PRSS23: variants seen among roughly 807,000 people sequenced by gnomAD.
PRSS23 encodes protease, serine 23.
Under a neutral mutation model 34.7 loss-of-function variants are expected in PRSS23, and 25 were observed. The observed-to-expected ratio is 0.72, with a 90% CI of 0.53 to 1.01. The LOEUF is 1.01. Among genes scored for constraint, PRSS23 ranks in the 50% least tolerant of loss-of-function variants. The pLI is 0.00. For synonymous variants in PRSS23, 176 were observed against 186.6 expected (o/e 0.94, Z 0.46); for missense variants, 445 against 475.6 (o/e 0.94, Z 0.60).
intron 2 of PRSS23, among the ~76,000 whole-genome samples, chr11:86,831,522 C>T (rs749083808): frequency 4.6e-5 from 7 of 151,890 alleles, no homozygotes; most frequent in East Asian, 1.9e-4. Context: ...TGATATTATT[C>T]GTAATAGCCT....
chr11:86,932,892 T>A (rs1453052160), intron 2 of PRSS23: 1 of 152,248 alleles, frequency 6.6e-6, no homozygotes, highest in East Asian at 1.9e-4. Context: ...GTCACTGTTG[T>A]GGCTTCTCTC....
chr11:86,818,945 T>C (rs1368515062), intron 1 of PRSS23, among the ~76,000 whole-genome samples: 1 of 152,236 alleles, frequency 6.6e-6, no homozygotes, highest in Non-Finnish European at 1.5e-5. Flanking sequence ...ACTCCTTACT[T>C]TCTTCCCTCT....
rs540339333 is a variant in PRSS23 at position 86,884,051 on chromosome 11, C to T, written c.206+60458C>T. Among the ~76,000 whole-genome samples, 5 of 152,220 alleles carry T rather than the reference C, an allele frequency of 3.3e-5. No homozygotes were observed. In the South Asian group the frequency reaches 6.2e-4, roughly 19 times the overall value. ...CAGAAACCCTGGAGATATCCCATAT[C>T]ATTAATATTTAATTCTCTCTTATGG... On this transcript the variant is annotated intron_variant, in intron 2 of 2. Transcript: ENST00000533902.
intron 1 of PRSS23, among the ~76,000 whole-genome samples, chr11:86,804,201 A>G (rs1291188403): frequency 6.6e-6 from 1 of 152,178 alleles, no homozygotes; most frequent in East Asian, 1.9e-4. Context: ...TAGCTTTAAT[A>G]CAGACATCAG....
intron 2 of PRSS23, among the ~76,000 whole-genome samples, chr11:86,928,024 G>GTT (rs1949092964): frequency 6.6e-6 from 1 of 151,334 alleles, no homozygotes; most frequent in Non-Finnish European, 1.5e-5. Context: ...CAGATATTAA[G>GTT]CTCTTTGATC....
At chr11:86,903,186 T>C (rs551628900) in intron 2 of PRSS23, among the ~76,000 whole-genome samples, 1 of 152,322 alleles carries the variant, frequency 6.6e-6, no homozygotes, top group African/African-American at 2.4e-5. Flanking sequence ...TATCTGTATG[T>C]TCTTACCTAC....
intron 2 of PRSS23, among the ~76,000 whole-genome samples, chr11:86,861,819 T>C (rs1948617790): frequency 1.3e-5 from 2 of 151,928 alleles, no homozygotes; most frequent in Non-Finnish European, 2.9e-5. Flanking sequence ...GCCTTTGTGA[T>C]ATTGTTTGTA....
intron 2 of PRSS23, among the ~76,000 whole-genome samples, chr11:86,903,388 C>A (rs1478676306): frequency 6.6e-6 from 1 of 152,188 alleles, no homozygotes; most frequent in Non-Finnish European, 1.5e-5. Context: ...TGGGCTGAGC[C>A]TCTGGCATGC....
At chr11:86,856,286 C>G (rs1268807186) in intron 2 of PRSS23, among the ~76,000 whole-genome samples, 1 of 151,590 alleles carries the variant, frequency 6.6e-6, no homozygotes, top group South Asian at 2.1e-4. Context: ...AGCTTGATCC[C>G]TCTAGGAACT....
At chr11:86,863,805 G>T (rs1377319316) in intron 2 of PRSS23, among the ~76,000 whole-genome samples, 2 of 152,150 alleles carry the variant, frequency 1.3e-5, no homozygotes, top group Non-Finnish European at 2.9e-5. Context: ...AAAGCCACAA[G>T]CTGTGGGTAG....
At chr11:86,853,105 C>T (rs558460931) in intron 2 of PRSS23, among the ~76,000 whole-genome samples, 4 of 151,600 alleles carry the variant, frequency 2.6e-5, no homozygotes, top group African/African-American at 9.7e-5. Context: ...CCACCTGCCT[C>T]AGCCTCCCAA....
exon 3 of PRSS23, chr11:86,951,582 C>T (rs754959108): frequency 8.7e-6 from 14 of 1,614,096 alleles, no homozygotes; most frequent in Non-Finnish European, 1.2e-5. Flanking sequence ...AGGGGAGCCA[C>T]CACGAACCCG....
intron 2 of PRSS23, chr11:86,833,398 G>A (rs762104850): frequency 1.4e-5 from 9 of 648,548 alleles, no homozygotes; most frequent in Non-Finnish European, 2.6e-5. Flanking sequence ...CTGCAGTTTT[G>A]GATCCTCTGA....
chr11:86,928,590 G>C (rs1949099440), intron 2 of PRSS23, among the ~76,000 whole-genome samples: 1 of 143,028 alleles, frequency 7.0e-6, no homozygotes. Flanking sequence ...CAGGAGAATG[G>C]CTTGAACCCA....
At chr11:86,942,031 T>C (rs892039685) in intron 2 of PRSS23, among the ~76,000 whole-genome samples, 24 of 152,234 alleles carry the variant, frequency 1.6e-4, no homozygotes, top group African/African-American at 5.5e-4. Flanking sequence ...TGACGGTACA[T>C]AAATAGACAA....
chr11:86,939,421 TA>T (rs1233686104), intron 2 of PRSS23, among the ~76,000 whole-genome samples: 10 of 99,736 alleles, frequency 1.0e-4, no homozygotes, highest in South Asian at 3.2e-4. Context: ...TATATATATA[TA>T]TATATTTTTT....
intron 2 of PRSS23, among the ~76,000 whole-genome samples, chr11:86,853,606 G>A (rs1175958350): frequency 6.6e-6 from 1 of 152,078 alleles, no homozygotes; most frequent in Non-Finnish European, 1.5e-5. Context: ...TGAATGAACT[G>A]CAGTGTGCTT....
At chr11:86,838,835 A>G (rs964291404) in intron 2 of PRSS23, among the ~76,000 whole-genome samples, 2 of 152,178 alleles carry the variant, frequency 1.3e-5, no homozygotes, top group African/African-American at 4.8e-5. Flanking sequence ...GCCCAGGCAA[A>G]CAGGTTCTGG....
chr11:86,903,629 C>T (rs1948925014), intron 2 of PRSS23, among the ~76,000 whole-genome samples: 1 of 151,830 alleles, frequency 6.6e-6, no homozygotes, highest in Admixed American at 6.6e-5. Flanking sequence ...ACTACAGGTG[C>T]CCACCACCAC....
Sources: allele counts gnomAD v4.1 joint callset (sites outside exome capture counted in the v4.1 genomes callset), GRCh38; gene constraint gnomAD v4.1.1; transcripts MANE v1.5; gene names NCBI Gene and HGNC (gene_info 2026-07-23, HGNC 2026-07-21).